DCDC1: variants seen among roughly 807,000 people sequenced by gnomAD.
DCDC1 encodes the protein doublecortin domain-containing protein 1.
A neutral mutation model predicts 178.3 loss-of-function variants in DCDC1; 200 were observed. The observed-to-expected ratio is 1.12, with a 90% CI of 1.00 to 1.26. The LOEUF (loss-of-function observed/expected upper bound fraction) is 1.26. DCDC1 is among the 50% of genes most tolerant of loss of function. The probability of loss-of-function intolerance (pLI) is 0.00; values close to 1 mark genes in which losing one functional copy is unlikely to be tolerated. For missense variants in DCDC1, 1,983 were observed against 1,749.2 expected, an observed-to-expected ratio of 1.13 and a Z score of -2.38; for synonymous variants, 690 against 604.8, an observed-to-expected ratio of 1.14 and a Z score of -2.07.
intron 9 of DCDC1, among the ~76,000 whole-genome samples, chr11:31,214,624 T>C (rs12285951): frequency 6.4e-4 from 98 of 152,142 alleles, no homozygotes; most frequent in African/African-American, 2.3e-3. Flanking sequence ...AAGTACAAAA[T>C]AATAGGAAGT....
At chr11:30,871,571 CCTCT>C (rs1473413359) in intron 38 of DCDC1, among the ~76,000 whole-genome samples, 1 of 152,172 alleles carries the variant, frequency 6.6e-6, no homozygotes, top group East Asian at 1.9e-4. Flanking sequence ...TATCTATCTC[CCTCT>C]CTATCTATCT....
chr11:31,183,872 T>G (rs1405638532), intron 9 of DCDC1, among the ~76,000 whole-genome samples: 1 of 152,194 alleles, frequency 6.6e-6, no homozygotes, highest in East Asian at 1.9e-4. Context: ...CAAAGTAATT[T>G]ACAGATTCAA....
At chr11:31,168,976 A>G (rs976241390) in intron 9 of DCDC1, among the ~76,000 whole-genome samples, 1 of 152,220 alleles carries the variant, frequency 6.6e-6, no homozygotes, top group Non-Finnish European at 1.5e-5. Flanking sequence ...AAGAGATGGA[A>G]CCAACCTAAA....
intron 14 of DCDC1, 88 bp from the exon 15 acceptor site, chr11:31,102,370 T>C (rs1958569156): frequency 3.7e-6 from 2 of 534,950 alleles, no homozygotes; most frequent in Admixed American, 2.7e-5. Flanking sequence ...TAATACTCTT[T>C]ATGCTTTATG....
At chr11:30,915,787 T>C (rs906078379) in intron 26 of DCDC1, 76 bp from the exon 27 acceptor site, 2 of 1,476,350 alleles carry the variant, frequency 1.4e-6, no homozygotes, top group East Asian at 2.4e-5. Context: ...TGCTGGAGAT[T>C]ATAAGTTCTG....
intron 1 of DCDC1, among the ~76,000 whole-genome samples, chr11:31,338,090 C>A (rs987151321): frequency 2.2e-4 from 33 of 152,250 alleles, no homozygotes; most frequent in African/African-American, 1.4e-4. Flanking sequence ...ACAAGGAAGA[C>A]CCTTTCCAAA....
At chr11:31,114,772 T>G (rs1234980919) in intron 11 of DCDC1, among the ~76,000 whole-genome samples, 1 of 152,142 alleles carries the variant, frequency 6.6e-6, no homozygotes, top group African/African-American at 2.4e-5. Context: ...GGGTTTGGAA[T>G]ACTGTGGTAA....
chr11:31,007,883 G>A (rs1224939486), intron 20 of DCDC1, among the ~76,000 whole-genome samples: 1 of 151,994 alleles, frequency 6.6e-6, no homozygotes, highest in Non-Finnish European at 1.5e-5. Flanking sequence ...GGCTGGTCTT[G>A]AACCCCTGAC....
intron 20 of DCDC1, among the ~76,000 whole-genome samples, chr11:30,992,931 G>C (rs1311870902): frequency 6.6e-6 from 1 of 152,078 alleles, no homozygotes; most frequent in Non-Finnish European, 1.5e-5. Context: ...ATATTGTACA[G>C]CTTGTGGTAA....
intron 3 of DCDC1, among the ~76,000 whole-genome samples, chr11:31,309,411 C>A (rs1210734183): frequency 6.6e-6 from 1 of 152,128 alleles, no homozygotes; most frequent in East Asian, 1.9e-4. Flanking sequence ...CCCTGCAGAC[C>A]ACCTAAGCCA....
At chr11:31,249,540 GT>G (rs1943820337) in intron 8 of DCDC1, among the ~76,000 whole-genome samples, 1 of 152,158 alleles carries the variant, frequency 6.6e-6, no homozygotes, top group Admixed American at 6.6e-5. Context: ...TGAGGACCAT[GT>G]CTAAGAAACC....
intron 9 of DCDC1, among the ~76,000 whole-genome samples, chr11:31,154,884 T>C (rs1015729588): frequency 6.6e-6 from 1 of 152,228 alleles, no homozygotes; most frequent in East Asian, 1.9e-4. Context: ...CTAATGTGGA[T>C]GCATTACTAT....
chr11:30,970,739 G>A (rs1427588314), intron 20 of DCDC1, among the ~76,000 whole-genome samples: 1 of 152,166 alleles, frequency 6.6e-6, no homozygotes, highest in Non-Finnish European at 1.5e-5. Context: ...CCAGTAGCAG[G>A]GCCACAGCAC....
chr11:31,103,297 C>G (rs1958625158), intron 14 of DCDC1, among the ~76,000 whole-genome samples: 1 of 152,130 alleles, frequency 6.6e-6, no homozygotes, highest in Non-Finnish European at 1.5e-5. Context: ...TGTGAACACT[C>G]ACACAGAACA....
At chr11:31,350,968 T>G (rs1039534200) in intron 1 of DCDC1, among the ~76,000 whole-genome samples, 52 of 152,218 alleles carry the variant, frequency 3.4e-4, no homozygotes, top group African/African-American at 1.2e-3. Context: ...AATATTTGAT[T>G]GAATTGTTTA....
intron 1 of DCDC1, among the ~76,000 whole-genome samples, chr11:31,358,018 T>C (rs1017621071): frequency 1.2e-4 from 19 of 152,070 alleles, no homozygotes; most frequent in Admixed American, 5.2e-4. Context: ...CTGCCCAAGG[T>C]AATTTATAGA....
intron 20 of DCDC1, among the ~76,000 whole-genome samples, chr11:31,023,071 G>T (rs1454063658): frequency 6.6e-6 from 1 of 152,022 alleles, no homozygotes; most frequent in African/African-American, 2.4e-5. Flanking sequence ...CTCTAAGGAA[G>T]GATTAAGATC....
At chr11:30,916,800 T>C (rs1945872056) in intron 26 of DCDC1, 70 bp downstream of exon 26, 3 of 1,446,292 alleles carry the variant, frequency 2.1e-6, no homozygotes, top group Non-Finnish European at 2.7e-6. Flanking sequence ...CTTGGGAATA[T>C]ATGTGTCCCA....
At chr11:30,878,001 T>C (rs867154078) in intron 38 of DCDC1, among the ~76,000 whole-genome samples, 1 of 152,220 alleles carries the variant, frequency 6.6e-6, no homozygotes, top group Non-Finnish European at 1.5e-5. Flanking sequence ...TGTGAAATTA[T>C]ATTTCACTAA....
Sources: allele counts gnomAD v4.1 joint callset (sites outside exome capture counted in the v4.1 genomes callset), GRCh38; gene constraint gnomAD v4.1.1; transcripts MANE v1.5; gene names NCBI Gene and HGNC (gene_info 2026-07-23, HGNC 2026-07-21).